The following PDK1 variants were observed in gnomAD, a reference collection of about 807,000 sequenced individuals.
PDK1 encodes [Pyruvate dehydrogenase (acetyl-transferring)] kinase isozyme 1, mitochondrial.
In PDK1, 39 loss-of-function variants were observed where a neutral mutation model predicts 54.2. The ratio of observed to expected loss-of-function variants is 0.72; its 90% CI spans 0.56 to 0.94. PDK1 has a LOEUF of 0.94. Ranked by LOEUF, PDK1 falls within the 40% of genes least tolerant of loss-of-function variation. The pLI, the probability that PDK1 is intolerant of heterozygous loss-of-function variation, is 0.00. For synonymous variants in PDK1, 221 were observed against 207.1 expected (o/e 1.07, Z -0.58); for missense variants, 552 against 566.0 (o/e 0.98, Z 0.25).
the PDK1 span, among the ~76,000 whole-genome samples, chr2:172,643,914 G>A: frequency 6.6e-6 from 1 of 152,212 alleles, no homozygotes; most frequent in African/African-American, 2.4e-5. Flanking sequence ...GTGGGCCTCC[G>A]TTAGCATTCT....
chr2:172,690,798 CA>C, the PDK1 span, among the ~76,000 whole-genome samples: 1 of 132,872 alleles, frequency 7.5e-6, no homozygotes, highest in Admixed American at 9.2e-5. Context: ...GGGAATTGAA[CA>C]ATGAGATCAC....
chr2:172,683,326 G>A, the PDK1 span, among the ~76,000 whole-genome samples: 14 of 142,780 alleles, frequency 9.8e-5, no homozygotes, highest in East Asian at 2.1e-3. Flanking sequence ...CAGCCTGGGC[G>A]ACAGAGCGAA....
the PDK1 span, among the ~76,000 whole-genome samples, chr2:172,643,442 T>G: frequency 6.6e-6 from 1 of 152,218 alleles, no homozygotes; most frequent in African/African-American, 2.4e-5. Context: ...AGCCCTGTGC[T>G]TCCGAGGGCT....
At chr2:172,612,180 G>A (rs771219931), downstream of PDK1, among the ~76,000 whole-genome samples, 1 of 152,066 alleles carries the variant, frequency 6.6e-6, no homozygotes, top group Non-Finnish European at 1.5e-5. Context: ...TTTCTCTTCC[G>A]AAGATCCACC....
the PDK1 span, among the ~76,000 whole-genome samples, chr2:172,627,284 G>A: frequency 6.6e-6 from 1 of 152,162 alleles, no homozygotes; most frequent in East Asian, 1.9e-4. Flanking sequence ...CTGCAATACA[G>A]GTTTCATAAA....
rs1453593286 is a variant in PDK1, at chr2:172,565,015, T to A, written c.633T>A (p.Ser211=). ...LFGGKGKGSP[S]HRKHIGSINP... is the part of the protein sequence containing the mutation. Reference sequence around the variant, plus strand: ...GTGGAAAAGGCAAAGGAAGTCCATCTCATCGAAAACACATTGGAAGCATAA... The same window carrying A: ...GTGGAAAAGGCAAAGGAAGTCCATCACATCGAAAACACATTGGAAGCATAA... Residue 211 remains serine, a synonymous_variant, in exon 5 of 11, where the codon TCT becomes TCA. Coordinates refer to ENST00000282077, the MANE Select transcript of PDK1 (RefSeq NM_002610.5). 6.2e-7 allele frequency: 1 copy of A among 1,613,266 alleles called. No individual in the cohort carries two copies.
rs1388668083 is a variant in PDK1, at chr2:172,600,854, G to A, written c.*4885G>A. On this transcript the variant is annotated 3_prime_UTR_variant, in exon 11 of 11. Coordinates refer to ENST00000282077, the MANE Select transcript of PDK1 (RefSeq NM_002610.5). ...TCTTATTCTATGTTGTCTTCGTCCA[G>A]CTTATCTGGAAGGGAGAGTTTCTCT... The A allele has an allele frequency of 6.6e-6, 1 of 152,128 alleles. No homozygotes were observed. 9.4% of individuals were successfully genotyped at this position (152,128 alleles called of 1,614,324 possible).
chr2:172,617,728 T>C, the PDK1 span, among the ~76,000 whole-genome samples: 2 of 152,162 alleles, frequency 1.3e-5, no homozygotes, highest in East Asian at 3.8e-4. Flanking sequence ...ACACATGAGT[T>C]AAGAGGGGAA....
chr2:172,665,611 T>C, the PDK1 span, among the ~76,000 whole-genome samples: 1 of 152,210 alleles, frequency 6.6e-6, no homozygotes, highest in Non-Finnish European at 1.5e-5. Context: ...AACCTCACTT[T>C]TGTTAAAAAT....
At chr2:172,556,505 C>T (rs932286070) in intron 1 of PDK1, 159 bp downstream of exon 1, 3 of 479,396 alleles carry the variant, frequency 6.3e-6, no homozygotes, top group South Asian at 4.9e-5. Flanking sequence ...TCCTTCCTCC[C>T]TCCGAAGTGC....
chr2:172,577,840 G>C (rs1254219985), intron 8 of PDK1, among the ~76,000 whole-genome samples: 2 of 152,008 alleles, frequency 1.3e-5, no homozygotes, highest in African/African-American at 4.8e-5. Context: ...AAATCAGATA[G>C]GACACAAAAA....
the PDK1 span, among the ~76,000 whole-genome samples, chr2:172,654,924 C>T: frequency 1.3e-5 from 2 of 152,122 alleles, no homozygotes; most frequent in Non-Finnish European, 1.5e-5. Context: ...AGCACGAAAG[C>T]CTGTGAGCTG....
At chr2:172,672,698 A>T in the PDK1 span, among the ~76,000 whole-genome samples, 1 of 152,094 alleles carries the variant, frequency 6.6e-6, no homozygotes, top group East Asian at 1.9e-4. Context: ...GAAACATAAC[A>T]GTGTTAATAT....
chr2:172,675,358 C>T, the PDK1 span, among the ~76,000 whole-genome samples: 3 of 152,160 alleles, frequency 2.0e-5, no homozygotes, highest in Non-Finnish European at 1.5e-5. Context: ...AAGCTAGGTC[C>T]CTTGCACCAA....
Position 172,586,353 on chromosome 2 carries a change from A to G in PDK1, c.1021A>G (p.Arg341Gly). ...CAACTACATGTATTCAACTGCACCA[A>G]GACCTCGTGTTGAGACCTCCCGCGC... Reference protein sequence around the residue: ...LFNYMYSTAPRPRVETSRAVP... With the variant: ...LFNYMYSTAPGPRVETSRAVP... Residue 341 changes from arginine to glycine, a missense_variant, in exon 9 of 11, where the codon AGA (arginine) becomes GGA (glycine). Coordinates refer to ENST00000282077, the MANE Select transcript of PDK1 (RefSeq NM_002610.5). 1 of 1,612,560 alleles carries G rather than the reference A, an allele frequency of 6.2e-7. No homozygotes were observed. The highest frequency in any genetic ancestry group is 8.5e-7 in the Non-Finnish European group (1 of 1,178,754).
the PDK1 span, among the ~76,000 whole-genome samples, chr2:172,690,352 C>T: frequency 1.3e-5 from 2 of 150,250 alleles, no homozygotes; most frequent in African/African-American, 4.8e-5. Context: ...CAGGAAACAA[C>T]AGATGCAGGA....
the PDK1 span, among the ~76,000 whole-genome samples, chr2:172,628,300 C>G: frequency 1.3e-5 from 2 of 152,358 alleles, no homozygotes; most frequent in South Asian, 4.1e-4. Context: ...AAAACACTTT[C>G]TTCTGTTGCA....
At chr2:172,613,377 G>C (rs1341523373), downstream of PDK1, among the ~76,000 whole-genome samples, 1 of 152,210 alleles carries the variant, frequency 6.6e-6, no homozygotes, top group African/African-American at 2.4e-5. Context: ...AAATTGAGCA[G>C]TACGCTCCAT....
rs1427233392 is a variant in PDK1, at chr2:172,599,905, G to C, written c.*3936G>C. The C allele has an allele frequency of 6.6e-6, 1 of 152,082 alleles. No individual in the cohort carries two copies. The highest frequency in any genetic ancestry group is 1.5e-5 in the Non-Finnish European group (1 of 67,998). 9.4% of individuals were successfully genotyped at this position (152,082 alleles called of 1,614,324 possible). On this transcript the variant is annotated 3_prime_UTR_variant, in exon 11 of 11. Coordinates refer to ENST00000282077, the MANE Select transcript of PDK1 (RefSeq NM_002610.5). ...AATTGTGACAGCTGTCTTTTACTTT[G>C]TTAAATTAGCAATTATTTAGCAAAA...
Sources: allele counts gnomAD v4.1 joint callset (sites outside exome capture counted in the v4.1 genomes callset), GRCh38; gene constraint gnomAD v4.1.1; transcripts MANE v1.5; gene names NCBI Gene and HGNC (gene_info 2026-07-23, HGNC 2026-07-21).